Variants in ZNF138 observed in about 807,000 individuals in gnomAD.
ZNF138 encodes zinc finger protein 138, also known as zinc finger protein 138 (clone pHZ-32).
ZNF138 carries 33 observed loss-of-function variants against 33.0 expected under a neutral mutation model. The observed-to-expected ratio is 1.00, with a 90% CI of 0.76 to 1.34. ZNF138 has a LOEUF of 1.34. Ranked by LOEUF, ZNF138 falls within the 40% of genes most tolerant of loss-of-function variation. The pLI is 0.00. For synonymous variants in ZNF138, 139 were observed against 120.4 expected (o/e 1.15, Z -1.01); for missense variants, 360 against 370.8 (o/e 0.97, Z 0.24).
chr7:64,828,925 A>G (rs1040081123), intron 3 of ZNF138, among the ~76,000 whole-genome samples: 3 of 152,172 alleles, frequency 2.0e-5, no homozygotes, highest in Non-Finnish European at 4.4e-5. Flanking sequence ...ATTGAGCAGT[A>G]TGGATATATT....
chr7:64,850,722 CAT>C, the ZNF138 span, among the ~76,000 whole-genome samples: 1 of 152,088 alleles, frequency 6.6e-6, no homozygotes, highest in Admixed American at 6.5e-5. Flanking sequence ...CTGCCTAAAT[CAT>C]AGGGTTTTGG....
chr7:64,858,554 T>A, the ZNF138 span, among the ~76,000 whole-genome samples: 1 of 152,202 alleles, frequency 6.6e-6, no homozygotes, highest in Admixed American at 6.5e-5. Flanking sequence ...CAGGATATGA[T>A]TCAGTTCCCC....
the ZNF138 span, among the ~76,000 whole-genome samples, chr7:64,852,132 T>A: frequency 5.6e-3 from 847 of 152,340 alleles, 3 homozygotes; most frequent in Admixed American, 0.013. Context: ...TGTCTAAAGA[T>A]TCAAAATGTA....
At position 64,831,737 on chromosome 7, in the gene ZNF138, A is replaced by G. The variant is rs1177981594; in HGVS notation, c.495A>G (p.Lys165=). The G allele has an allele frequency of 4.3e-6, 7 of 1,613,126 alleles. No individual in the cohort carries two copies. Among genetic ancestry groups the G allele is most frequent in the Non-Finnish European group, 5.9e-6 (7 of 1,179,530 alleles). Residue 165 remains lysine, a synonymous_variant, in exon 4 of 4, where the codon AAA becomes AAG. Transcript: ENST00000307355. ...ACAAGATAAGACATACTGAAAATAAACATTTCAGATGTAAAGAATGTGACA... is the reference window on the plus strand; with the variant it reads ...ACAAGATAAGACATACTGAAAATAAGCATTTCAGATGTAAAGAATGTGACA... ...NRHKIRHTEN[K]HFRCKECDKS...
At chr7:64,827,680 C>T (rs563862544) in intron 3 of ZNF138, among the ~76,000 whole-genome samples, 1 of 151,928 alleles carries the variant, frequency 6.6e-6, no homozygotes, top group Non-Finnish European at 1.5e-5. Flanking sequence ...AGTTTTCAGA[C>T]ATTTTTGTCT....
chr7:64,818,748 TAAAA>T (rs1205847469), intron 3 of ZNF138, among the ~76,000 whole-genome samples: 1 of 134,374 alleles, frequency 7.4e-6, no homozygotes, highest in African/African-American at 2.7e-5. Flanking sequence ...AGACTCCATC[TAAAA>T]AAAAAAAAAA....
At chr7:64,842,166 CA>C in the ZNF138 span, among the ~76,000 whole-genome samples, 2 of 152,154 alleles carry the variant, frequency 1.3e-5, no homozygotes, top group Non-Finnish European at 2.9e-5. Context: ...TGGGTGCAAG[CA>C]ATGCTCCTGC....
At position 64,815,735 on chromosome 7, in the gene ZNF138, A is replaced by G; in HGVS notation, c.208+82A>G. 4 of 1,275,068 alleles carry G rather than the reference A, an allele frequency of 3.1e-6. No homozygotes were observed. The South Asian group carries it at 5.7e-5, about 18-fold the overall frequency. The allele number at this position is 1,275,068 out of a possible 1,614,324, so 79.0% of individuals were successfully genotyped here. ...GACCACTCCTTTAAATGTGATTTGG[A>G]AATCTGTATTCCAAAGGAAATAGTT... On this transcript the variant is annotated intron_variant, in intron 3 of 3. Coordinates refer to ENST00000307355, the MANE Select transcript of ZNF138 (RefSeq NM_001271639.2).
chr7:64,854,543 A>G, the ZNF138 span, among the ~76,000 whole-genome samples: 1 of 152,238 alleles, frequency 6.6e-6, no homozygotes, highest in Non-Finnish European at 1.5e-5. Context: ...ACCTAGTCAT[A>G]ATATAAATAT....
intron 1 of ZNF138, among the ~76,000 whole-genome samples, chr7:64,796,328 T>A (rs895716041): frequency 1.3e-5 from 2 of 152,180 alleles, no homozygotes; most frequent in African/African-American, 4.8e-5. Context: ...AGCACTTAAG[T>A]GAGCAGGATG....
chr7:64,807,447 C>G (rs1787700692), intron 1 of ZNF138, among the ~76,000 whole-genome samples: 1 of 152,176 alleles, frequency 6.6e-6, no homozygotes, highest in Non-Finnish European at 1.5e-5. Context: ...AATGAACTGT[C>G]TACTTATATT....
chr7:64,820,888 A>T (rs1789072036), intron 3 of ZNF138, among the ~76,000 whole-genome samples: 1 of 151,562 alleles, frequency 6.6e-6, no homozygotes, highest in Non-Finnish European at 1.5e-5. Context: ...TAATTACTTG[A>T]GAAACATTTA....
intron 1 of ZNF138, among the ~76,000 whole-genome samples, chr7:64,807,459 A>G (rs899754418): frequency 5.3e-5 from 8 of 152,200 alleles, no homozygotes; most frequent in South Asian, 2.1e-4. Flanking sequence ...ACTTATATTC[A>G]TGTTGCCTCA....
the ZNF138 span, among the ~76,000 whole-genome samples, chr7:64,849,163 T>C: frequency 6.6e-6 from 1 of 152,216 alleles, no homozygotes; most frequent in Non-Finnish European, 1.5e-5. Context: ...AGTACTCTTC[T>C]CATTTTCCTA....
rs758138798 is a variant in ZNF138 at position 64,831,479 on chromosome 7, T to C, written c.237T>C (p.Leu79=). ...SALCSRFAQD[L]WLEQNIKDSF... Reference sequence around the variant, plus strand: ...TGTGTTCTCGTTTTGCCCAAGACCTTTGGCTAGAGCAGAACATAAAAGATT... The same window carrying C: ...TGTGTTCTCGTTTTGCCCAAGACCTCTGGCTAGAGCAGAACATAAAAGATT... The change falls in exon 4 of 4, where the codon CTT becomes CTC. Residue 79 remains leucine, a synonymous_variant. Coordinates refer to ENST00000307355, the MANE Select transcript of ZNF138 (RefSeq NM_001271639.2). The C allele has an allele frequency of 1.3e-6, 2 of 1,577,240 alleles. No individual in the cohort carries two copies. Among genetic ancestry groups the C allele is most frequent in the Non-Finnish European group, 8.6e-7 (1 of 1,166,148 alleles).
the ZNF138 span, among the ~76,000 whole-genome samples, chr7:64,842,056 C>A: frequency 6.6e-6 from 1 of 152,130 alleles, no homozygotes; most frequent in African/African-American, 2.4e-5. Context: ...TGATATAGCA[C>A]AACACAGATT....
chr7:64,832,506 G>T lies in ZNF138; in HGVS notation c.*304G>T. On this transcript the variant is annotated 3_prime_UTR_variant, in exon 4 of 4. Transcript: ENST00000307355. ...TACTGGGGAGAAACCCCACAAATGT[G>T]GAGAATGCGGAAAAGCCTTTAACTG... 1 of 984,584 alleles carries T rather than the reference G, an allele frequency of 1.0e-6. No individual in the cohort carries two copies. The allele number at this position is 984,584 out of a possible 1,614,324, so 61.0% of individuals were successfully genotyped here.
At chr7:64,853,137 A>G in the ZNF138 span, 3 of 1,456,222 alleles carry the variant, frequency 2.1e-6, no homozygotes, top group African/African-American at 1.4e-5. Flanking sequence ...CCGTGTCTCA[A>G]AGGAATGACA....
At chr7:64,860,649 C>T in the ZNF138 span, among the ~76,000 whole-genome samples, 1 of 152,136 alleles carries the variant, frequency 6.6e-6, no homozygotes, top group Admixed American at 6.5e-5. Context: ...AAACACCAGA[C>T]AATTATTTTA....
Sources: gnomAD v4.1 joint callset for allele counts (sites outside exome capture counted in the v4.1 genomes callset) on GRCh38, gnomAD v4.1.1 for gene constraint, MANE v1.5 for transcripts, NCBI Gene and HGNC (gene_info 2026-07-23, HGNC 2026-07-21) for gene names.